OR1J2: variants seen among roughly 807,000 people sequenced by gnomAD.
OR1J2 encodes olfactory receptor 1J2.
For missense variants in OR1J2, 304 were observed against 246.1 expected, an observed-to-expected ratio of 1.24 and a Z score of -1.57; for synonymous variants, 142 against 99.7, an observed-to-expected ratio of 1.42 and a Z score of -2.52.
At chr9:122,540,481 G>T in the OR1J2 span, among the ~76,000 whole-genome samples, 106 of 152,138 alleles carry the variant, frequency 7.0e-4, no homozygotes, top group South Asian at 2.3e-3. Flanking sequence ...CTATATCTCT[G>T]TTTTGGTACC....
chr9:122,511,862 T>C (rs1419269026), downstream of OR1J2: 4 of 642,028 alleles, frequency 6.2e-6, no homozygotes, highest in Non-Finnish European at 1.1e-5. Flanking sequence ...TGTTAACATG[T>C]TGAATGTAAT....
the OR1J2 span, among the ~76,000 whole-genome samples, chr9:122,550,473 G>T: frequency 1.3e-5 from 2 of 151,810 alleles, no homozygotes; most frequent in Non-Finnish European, 2.9e-5. Flanking sequence ...AATATTTGTG[G>T]TGACAATAGA....
chr9:122,462,310 T>TA, the OR1J2 span, among the ~76,000 whole-genome samples: 37,104 of 152,058 alleles, frequency 0.24, 5,094 homozygotes, highest in East Asian at 0.38. Context: ...TGTGAGTCCT[T>TA]ATGTGACGGA....
chr9:122,570,637 C>T, the OR1J2 span, among the ~76,000 whole-genome samples: 1 of 152,164 alleles, frequency 6.6e-6, no homozygotes, highest in African/African-American at 2.4e-5. Flanking sequence ...GTTCCCCAGC[C>T]ACCTCAGCGT....
chr9:122,572,273 A>G, the OR1J2 span, among the ~76,000 whole-genome samples: 11 of 152,230 alleles, frequency 7.2e-5, no homozygotes, highest in Admixed American at 5.9e-4. Context: ...ACAGATCCAA[A>G]CCATATCAAA....
chr9:122,563,440 A>G, the OR1J2 span, among the ~76,000 whole-genome samples: 6,810 of 152,128 alleles, frequency 0.045, 223 homozygotes, highest in Middle Eastern at 0.054. Context: ...TCTTTTCTCC[A>G]TTTTTAAAAT....
chr9:122,506,642 C>CA (rs1828526707), upstream of OR1J2, among the ~76,000 whole-genome samples: 1 of 151,864 alleles, frequency 6.6e-6, no homozygotes, highest in Non-Finnish European at 1.5e-5. Flanking sequence ...TCCCTCTCAG[C>CA]AATAGATGAG....
the OR1J2 span, among the ~76,000 whole-genome samples, chr9:122,572,532 G>A: frequency 2.0e-5 from 3 of 151,874 alleles, no homozygotes; most frequent in African/African-American, 7.3e-5. Context: ...GTGAGTGTAT[G>A]GGGCTGGGAA....
the OR1J2 span, among the ~76,000 whole-genome samples, chr9:122,565,233 C>T: frequency 6.6e-6 from 1 of 152,138 alleles, no homozygotes; most frequent in African/African-American, 2.4e-5. Context: ...AAATTGATGA[C>T]AAAGATACCT....
At chr9:122,502,618 G>A in the OR1J2 span, among the ~76,000 whole-genome samples, 1 of 151,736 alleles carries the variant, frequency 6.6e-6, no homozygotes, top group African/African-American at 2.4e-5. Context: ...TCATTATGTA[G>A]CAGAACCTTC....
At chr9:122,506,706 A>G (rs1357127023), upstream of OR1J2, among the ~76,000 whole-genome samples, 2 of 152,104 alleles carry the variant, frequency 1.3e-5, no homozygotes, top group Admixed American at 1.3e-4. Context: ...TGGCATGGGG[A>G]GAAGAGATAG....
At chr9:122,525,220 G>A in the OR1J2 span, among the ~76,000 whole-genome samples, 394 of 152,276 alleles carry the variant, frequency 2.6e-3, 2 homozygotes, top group Admixed American at 9.6e-3. Context: ...GAATCCTCGC[G>A]TACTAAGATG....
the OR1J2 span, among the ~76,000 whole-genome samples, chr9:122,552,176 G>A: frequency 1.3e-5 from 2 of 150,690 alleles, no homozygotes; most frequent in Non-Finnish European, 3.0e-5. Context: ...CCTAAGGTCA[G>A]AAGCTTCTCT....
At chr9:122,553,165 G>T in the OR1J2 span, 1 of 1,584,494 alleles carries the variant, frequency 6.3e-7, no homozygotes, top group South Asian at 1.2e-5. Flanking sequence ...AATAAATACT[G>T]ACACATGGAA....
the OR1J2 span, among the ~76,000 whole-genome samples, chr9:122,552,007 AGGTGAGGATTTGGAAGGGGTAG>A: frequency 0.2 from 28,410 of 142,952 alleles, 3,300 homozygotes; most frequent in Middle Eastern, 0.26. Flanking sequence ...ATAATCTGAC[AGGTGAGGATTTGGAAGGGGTAG>A]GACACATACA....
downstream of OR1J2, among the ~76,000 whole-genome samples, chr9:122,515,050 G>A (rs561791905): frequency 6.6e-6 from 1 of 152,154 alleles, no homozygotes; most frequent in Non-Finnish European, 1.5e-5. Flanking sequence ...AGCAATTAAT[G>A]CATGTTTATT....
the OR1J2 span, among the ~76,000 whole-genome samples, chr9:122,546,034 G>C: frequency 6.6e-6 from 1 of 152,036 alleles, no homozygotes; most frequent in Non-Finnish European, 1.5e-5. Context: ...TGTGTGTTGG[G>C]GGGTGGATAA....
chr9:122,567,780 G>T, the OR1J2 span: 32 of 1,613,992 alleles, frequency 2.0e-5, no homozygotes, highest in African/African-American at 3.2e-4. Flanking sequence ...GCGTTTCCCA[G>T]AAGTAGAGGG....
the OR1J2 span, among the ~76,000 whole-genome samples, chr9:122,560,461 G>C: frequency 6.6e-6 from 1 of 152,094 alleles, no homozygotes; most frequent in Admixed American, 6.5e-5. Context: ...GCAGTGGCTG[G>C]TACCGGTGTT....
Sources: gnomAD v4.1 joint callset for allele counts (sites outside exome capture counted in the v4.1 genomes callset) on GRCh38, gnomAD v4.1.1 for gene constraint, MANE v1.5 for transcripts, NCBI Gene and HGNC (gene_info 2026-07-23, HGNC 2026-07-21) for gene names.